SRPRA: variants seen among roughly 807,000 people sequenced by gnomAD.
SRPRA encodes SRP receptor subunit alpha.
SRPRA carries 30 observed loss-of-function variants against 61.1 expected under a neutral mutation model. The ratio of observed to expected loss-of-function variants is 0.49; its 90% confidence interval spans 0.37 to 0.67. The LOEUF is 0.67. SRPRA is among the 30% of genes least tolerant of loss of function. The probability of loss-of-function intolerance (pLI) is 0.00; values close to 1 mark genes in which losing one functional copy is unlikely to be tolerated. For synonymous variants in SRPRA, 324 were observed against 299.7 expected (o/e 1.08, Z -0.84); for missense variants, 759 against 828.4 (o/e 0.92, Z 1.03).
chr11:126,254,437 A>G, the SRPRA span: 3 of 1,614,062 alleles, frequency 1.9e-6, no homozygotes, highest in East Asian at 2.2e-5. Flanking sequence ...AGTCATGGTG[A>G]GTGGGGCTGA....
downstream of SRPRA, among the ~76,000 whole-genome samples, chr11:126,261,876 C>T (rs182846646): frequency 4.6e-5 from 7 of 152,208 alleles, no homozygotes; most frequent in Admixed American, 1.3e-4. Context: ...CCTATAGTCC[C>T]GGCTACTGGC....
the SRPRA span, among the ~76,000 whole-genome samples, chr11:126,236,180 C>A: frequency 6.6e-6 from 1 of 152,202 alleles, no homozygotes; most frequent in African/African-American, 2.4e-5. Flanking sequence ...TGTATCGATT[C>A]TCTGTTTGCT....
chr11:126,255,359 T>C, the SRPRA span, among the ~76,000 whole-genome samples: 1 of 152,330 alleles, frequency 6.6e-6, no homozygotes, highest in Admixed American at 6.5e-5. The surrounding 1 kb of genome is among the most constrained non-coding windows in gnomAD (Gnocchi z 4.6). Context: ...AGAAAATGTA[T>C]TGTCTAAAGC....
chr11:126,239,772 C>A, the SRPRA span, among the ~76,000 whole-genome samples: 1 of 152,184 alleles, frequency 6.6e-6, no homozygotes, highest in Admixed American at 6.5e-5. Context: ...CCTTGGCCCC[C>A]CAAAGTGCTG....
At chr11:126,259,577 C>A (rs1950641547), downstream of SRPRA, among the ~76,000 whole-genome samples, 1 of 152,044 alleles carries the variant, frequency 6.6e-6, no homozygotes, top group South Asian at 2.1e-4. Flanking sequence ...AGGCGCCCAC[C>A]ACCATGCCCG....
the SRPRA span, among the ~76,000 whole-genome samples, chr11:126,249,731 CA>C: frequency 0.11 from 8,631 of 78,838 alleles, 102 homozygotes; most frequent in Non-Finnish European, 0.15. Flanking sequence ...GACTCCGTCT[CA>C]AAAAAAAAAA....
In SRPRA at chr11:126,263,605, GTTGGGTTCCAACCA is replaced by G. The variant is rs560150571; in HGVS notation, c.*297_*310del. On this transcript the variant is annotated 3_prime_UTR_variant, in exon 14 of 14. Coordinates refer to ENST00000332118, the MANE Select transcript of SRPRA (RefSeq NM_003139.4). ...CACTAATTATTAGCAAAGCTCTGGT[GTTGGGTTCCAACCA>G]TTGGTCAAAGCTGTAATAAGACTGA... 7.2e-4 allele frequency: 209 copies of G among 292,110 alleles called. 3 individuals are homozygous for G. In the South Asian group the frequency reaches 9.8e-3, roughly 14 times the overall value. 18.1% of individuals were successfully genotyped at this position (292,110 alleles called of 1,614,324 possible).
downstream of SRPRA, chr11:126,261,575 C>A: frequency 2.0e-6 from 2 of 1,007,142 alleles, no homozygotes; most frequent in Non-Finnish European, 3.0e-6. Context: ...TTACTTTGGA[C>A]CTCACATTGC....
chr11:126,264,733 G>C lies in SRPRA; in HGVS notation c.1526-194C>G, dbSNP rs895448018. On this transcript the variant is annotated intron_variant, in intron 11 of 13. Transcript: ENST00000332118. This position sits in a 1 kb window ranked among gnomAD's most constrained non-coding sequence, Gnocchi z 5.0. ...CATATTCAGGAAAAGGAGGACAACA[G>C]GATGAAGGTGACCAAATTCAGGTTT... is the stretch of plus-strand genomic sequence containing the variant. The C allele has an allele frequency of 3.8e-6, 3 of 780,228 alleles. No individual in the cohort carries two copies. The highest frequency in any genetic ancestry group is 2.9e-5 in the Admixed American group (1 of 34,240). 48.3% of individuals were successfully genotyped at this position (780,228 alleles called of 1,614,324 possible).
rs762751314 is a variant in SRPRA, at chr11:126,267,613, G to A, written c.301C>T (p.Gln101Ter). The A allele has an allele frequency of 6.2e-7, 1 of 1,614,150 alleles. No homozygotes were observed. Among genetic ancestry groups the A allele is most frequent in the Non-Finnish European group, 8.5e-7 (1 of 1,180,040 alleles). The change falls in exon 3 of 14, where the codon CAA becomes TAA. Residue 101 changes from glutamine to a stop codon, truncating the protein, a stop_gained. Transcript: ENST00000332118. LOFTEE classifies it high-confidence loss of function. This position sits in a 1 kb window ranked among gnomAD's most constrained non-coding sequence, Gnocchi z 4.2. ...RDKYRTEIQQQSALSLLNGTF... is the reference protein window; with the variant it reads ...RDKYRTEIQQ The stretch of plus-strand genomic sequence containing the variant: ...CCATTTAATAAACTTAAAGCACTTT[G>A]CTGTTGGATCTCTGTGCGGTACTTG...
downstream of SRPRA, chr11:126,262,120 G>T: frequency 6.2e-7 from 1 of 1,613,986 alleles, no homozygotes; most frequent in Non-Finnish European, 8.5e-7. Flanking sequence ...CTCCCTACAG[G>T]CTGTAGTACA....
the SRPRA span, among the ~76,000 whole-genome samples, chr11:126,245,708 A>C: frequency 1.2e-4 from 19 of 152,212 alleles, no homozygotes; most frequent in Admixed American, 3.3e-4. Flanking sequence ...AAAAGAAAAA[A>C]AAATGAGGCC....
chr11:126,254,344 T>C, the SRPRA span: 9 of 1,613,968 alleles, frequency 5.6e-6, no homozygotes, highest in Non-Finnish European at 5.1e-6. Flanking sequence ...GCTGAGCGTG[T>C]TGCATATTCA....
At chr11:126,242,045 G>T in the SRPRA span, among the ~76,000 whole-genome samples, 1 of 139,278 alleles carries the variant, frequency 7.2e-6, no homozygotes, top group Non-Finnish European at 1.6e-5. Flanking sequence ...AAAAAAAAAG[G>T]AATTAATGGG....
chr11:126,267,627 G>A lies in SRPRA; in HGVS notation c.287C>T (p.Thr96Ile). The A allele has an allele frequency of 1.9e-6, 3 of 1,614,128 alleles. No homozygotes were observed. Among genetic ancestry groups the A allele is most frequent in the Non-Finnish European group, 2.5e-6 (3 of 1,180,036 alleles). The change falls in exon 3 of 14, where the codon ACA becomes ATA. Residue 96 changes from threonine to isoleucine, a missense_variant. Around this residue, in one of 2 missense-constraint regions of SRPRA, gnomAD observed 475 missense variants for 462.5 expected, o/e 1.03. Coordinates refer to ENST00000332118, the MANE Select transcript of SRPRA (RefSeq NM_003139.4). This position sits in a 1 kb window ranked among gnomAD's most constrained non-coding sequence, Gnocchi z 4.2. ...TAAAGCACTTTGCTGTTGGATCTCT[G>A]TGCGGTACTTGTCCCGAAACAGCCG... is the stretch of plus-strand genomic sequence containing the variant. ...VHRLFRDKYR[T>I]EIQQQSALSL...
At chr11:126,245,920 C>T in the SRPRA span, among the ~76,000 whole-genome samples, 2 of 150,854 alleles carry the variant, frequency 1.3e-5, no homozygotes, top group South Asian at 4.2e-4. Flanking sequence ...TGCTTGAACC[C>T]GGGAGGCGGA....
Position 126,267,549 on chromosome 11 carries a change from C to T in SRPRA, c.365G>A (p.Arg122His), listed in dbSNP as rs757612951. Residue 122 changes from arginine to histidine, a missense_variant and splice_region_variant, in exon 3 of 14, where the codon CGT (arginine) becomes CAT (histidine). Arg to His is a conservative substitution (Grantham distance 29). Transcript: ENST00000332118. The surrounding 1 kb of genome is among the most constrained non-coding windows in gnomAD (Gnocchi z 4.2). ...ATTTTAGAGAAGGCAGGTCTCTCAC[C>T]GAAGGAGCCGCAGGAAGTCATTTTG... is the stretch of plus-strand genomic sequence containing the variant. ...DFQNDFLRLL[R>H]EAEESSKIRA... 5 of 1,613,836 alleles carry T rather than the reference C, an allele frequency of 3.1e-6. No homozygotes were observed. The highest frequency in any genetic ancestry group is 4.2e-6 in the Non-Finnish European group (5 of 1,179,972).
the SRPRA span, among the ~76,000 whole-genome samples, chr11:126,247,846 A>G: frequency 7.0e-6 from 1 of 143,180 alleles, no homozygotes; most frequent in African/African-American, 2.5e-5. Flanking sequence ...TGACAGATCG[A>G]GACTCCATCT....
the SRPRA span, among the ~76,000 whole-genome samples, chr11:126,239,250 A>G: frequency 1.3e-5 from 2 of 152,316 alleles, no homozygotes; most frequent in East Asian, 3.9e-4. Context: ...GGCATGAACC[A>G]CTGCACTTAG....
Sources: gnomAD v4.1 joint callset for allele counts (sites outside exome capture counted in the v4.1 genomes callset) on GRCh38, gnomAD v4.1.1 for gene constraint, gnomAD v4.1.1 regional missense constraint, Gnocchi (gnomAD v3.1) non-coding constraint, MANE v1.5 for transcripts, NCBI Gene and HGNC (gene_info 2026-07-23, HGNC 2026-07-21) for gene names.